Variants in CD46 observed in about 807,000 individuals in gnomAD.
CD46 encodes membrane cofactor protein.
Under a neutral mutation model 53.3 loss-of-function variants are expected in CD46, and 30 were observed. The observed-to-expected ratio is 0.56, with a 90% CI of 0.42 to 0.76. The LOEUF is 0.76. Among genes scored for constraint, CD46 ranks in the 30% least tolerant of loss-of-function variants. The pLI is 0.00. For missense variants in CD46, 409 were observed against 463.0 expected, an observed-to-expected ratio of 0.88 and a Z score of 1.07; for synonymous variants, 142 against 152.0, an observed-to-expected ratio of 0.93 and a Z score of 0.48.
At chr1:207,755,031 G>T (rs557599140) in intron 1 of CD46, among the ~76,000 whole-genome samples, 1 of 151,638 alleles carries the variant, frequency 6.6e-6, no homozygotes, top group East Asian at 1.9e-4. Context: ...TGAAGGGGGA[G>T]GATCACTGGA....
At chr1:207,778,729 A>T (rs988785290) in intron 8 of CD46, among the ~76,000 whole-genome samples, 1 of 152,186 alleles carries the variant, frequency 6.6e-6, no homozygotes, top group East Asian at 1.9e-4. Flanking sequence ...TGATGCCTCC[A>T]GCTTTGTTCT....
intron 8 of CD46, among the ~76,000 whole-genome samples, chr1:207,776,280 C>G (rs1369007366): frequency 6.6e-6 from 1 of 152,246 alleles, no homozygotes; most frequent in Non-Finnish European, 1.5e-5. Flanking sequence ...CAGTCTGTCA[C>G]GGCTTCCCTT....
At chr1:207,791,727 CTT>C (rs1659817813) in intron 12 of CD46, among the ~76,000 whole-genome samples, 1 of 152,194 alleles carries the variant, frequency 6.6e-6, no homozygotes, top group South Asian at 2.1e-4. Flanking sequence ...TCTTAGGACA[CTT>C]TTGAGACTAA....
chr1:207,762,501 G>C (rs1656329612), intron 5 of CD46: 1 of 152,186 alleles, frequency 6.6e-6, no homozygotes, highest in Admixed American at 6.5e-5. Context: ...TCAATAAAGT[G>C]TGTAAACCTG....
At chr1:207,784,773 C>T (rs976517535) in intron 9 of CD46, among the ~76,000 whole-genome samples, 3 of 152,152 alleles carry the variant, frequency 2.0e-5, no homozygotes, top group Non-Finnish European at 4.4e-5. Flanking sequence ...TTCTTCTTCA[C>T]ATGATGGCAG....
chr1:207,785,111 G>A lies in CD46; in HGVS notation c.1018+5G>A. 6.2e-7 allele frequency: 1 copy of A among 1,609,730 alleles called. No individual in the cohort carries two copies. The highest frequency in any genetic ancestry group is 8.5e-7 in the Non-Finnish European group (1 of 1,176,174). ...CTGTGATTGTTATTGCCATAGGTAA[G>A]TATCACAAATTTTGACACCACTTAA... On this transcript the variant is annotated splice_donor_5th_base_variant and intron_variant, in intron 10 of 12. Coordinates refer to ENST00000367042, the MANE Select transcript of CD46 (RefSeq NM_172351.3).
At chr1:207,767,908 T>C (rs928955172) in intron 7 of CD46, 85 bp downstream of exon 7, 1 of 1,110,544 alleles carries the variant, frequency 9.0e-7, no homozygotes, top group African/African-American at 1.5e-5. Context: ...TTTCTGGTGA[T>C]GTTCACTTAT....
At chr1:207,778,718 G>A (rs1471283859) in intron 8 of CD46, among the ~76,000 whole-genome samples, 2 of 152,148 alleles carry the variant, frequency 1.3e-5, no homozygotes, top group South Asian at 2.1e-4. Context: ...GTCAGGTAAT[G>A]TGATGCCTCC....
rs1372690493 is a variant in CD46 at position 207,793,642 on chromosome 1, C to A, written c.*165C>A. 1 of 1,421,880 alleles carries A rather than the reference C, an allele frequency of 7.0e-7. No individual in the cohort carries two copies. 88.1% of individuals were successfully genotyped at this position (1,421,880 alleles called of 1,614,324 possible). A position where few individuals can be genotyped will look rare whatever the true frequency, so the allele number is the denominator to read the frequency against. On this transcript the variant is annotated 3_prime_UTR_variant, in exon 13 of 13. Transcript: ENST00000367042. The stretch of plus-strand genomic sequence containing the variant: ...GTTCATCTTTTGACTCTATTAAAAT[C>A]TTCAATAGTTGTTATTCTGTAGTTT...
intron 5 of CD46, 113 bp from the exon 6 acceptor site, chr1:207,766,900 T>G (rs989481786): frequency 1.3e-6 from 1 of 782,090 alleles, no homozygotes; most frequent in Non-Finnish European, 2.1e-6. Flanking sequence ...AAAATGTTTT[T>G]AACATCTTGC....
At chr1:207,787,333 A>G (rs1025258003) in intron 11 of CD46, among the ~76,000 whole-genome samples, 2 of 152,108 alleles carry the variant, frequency 1.3e-5, no homozygotes, top group African/African-American at 4.8e-5. Flanking sequence ...CGGCCTCCCA[A>G]GGTGCTAGGA....
At chr1:207,764,607 A>C (rs939511330) in intron 5 of CD46, among the ~76,000 whole-genome samples, 1 of 152,254 alleles carries the variant, frequency 6.6e-6, no homozygotes, top group African/African-American at 2.4e-5. Context: ...ATTATTCAAC[A>C]GACAAACAAA....
chr1:207,771,101 C>T (rs995185461), intron 8 of CD46, among the ~76,000 whole-genome samples: 34 of 152,132 alleles, frequency 2.2e-4, no homozygotes, highest in Admixed American at 2.0e-3. Context: ...ATCTAACTGG[C>T]GTGAGTGGTA....
At position 207,794,179 on chromosome 1, in the gene CD46, G is replaced by A. The variant is rs1283918206; in HGVS notation, c.*702G>A. The stretch of plus-strand genomic sequence containing the variant: ...TAATAGGGTAAATTCTCTATTTTTT[G>A]TAATGTGTTCGGTGATTTCAGAAAG... On this transcript the variant is annotated 3_prime_UTR_variant, in exon 13 of 13. Transcript: ENST00000367042. 2 of 153,748 alleles carry A rather than the reference G, an allele frequency of 1.3e-5. No individual in the cohort carries two copies. Among genetic ancestry groups the A allele is most frequent in the Non-Finnish European group, 2.9e-5 (2 of 69,138 alleles). The allele number at this position is 153,748 out of a possible 1,614,324, so 9.5% of individuals were successfully genotyped here.
At chr1:207,783,941 T>C (rs1469716590) in intron 9 of CD46, among the ~76,000 whole-genome samples, 1 of 152,214 alleles carries the variant, frequency 6.6e-6, no homozygotes, top group Admixed American at 6.5e-5. Context: ...CTTTGACTTA[T>C]AGCAATTTAA....
At position 207,770,306 on chromosome 1, in the gene CD46, A is replaced by T; in HGVS notation, c.902-15A>T. On this transcript the variant is annotated splice_polypyrimidine_tract_variant and intron_variant, in intron 7 of 12. Transcript: ENST00000367042. ...AGGCCCTGGTGAATTTATAAAATCAAACTTATTTTTCTAGGTCCTAGGCCT... is the reference window on the plus strand; with the variant it reads ...AGGCCCTGGTGAATTTATAAAATCATACTTATTTTTCTAGGTCCTAGGCCT... 2.5e-6 allele frequency: 4 copies of T among 1,592,132 alleles called. No individual in the cohort carries two copies. The highest frequency in any genetic ancestry group is 3.4e-6 in the Non-Finnish European group (4 of 1,160,704).
At chr1:207,783,409 A>G (rs1309929979) in intron 9 of CD46, 79 bp downstream of exon 9, 4 of 828,720 alleles carry the variant, frequency 4.8e-6, no homozygotes, top group Non-Finnish European at 8.5e-6. Context: ...TGAGGTGCCC[A>G]AACATAGGAT....
chr1:207,775,778 T>C (rs925166796), intron 8 of CD46, among the ~76,000 whole-genome samples: 1 of 152,168 alleles, frequency 6.6e-6, no homozygotes, highest in Non-Finnish European at 1.5e-5. Context: ...GAGGTGTTTG[T>C]CGGCCGCTAC....
rs1050318438 is a variant in CD46, at chr1:207,772,050, G to A, written c.943+1688G>A. 6.9e-4 allele frequency among the ~76,000 whole-genome samples: 105 copies of A among 152,238 alleles called. 1 individual carries two copies. Among genetic ancestry groups the A allele is most frequent in the African/African-American group, 2.4e-3 (100 of 41,544 alleles). ...ATGAGCATGGAATGTTCTTCCATTT[G>A]TTTGTGTACTCTTTTATTTCGTTGA... On this transcript the variant is annotated intron_variant, in intron 8 of 12. Transcript: ENST00000367042.
Sources: gnomAD v4.1 joint callset for allele counts (sites outside exome capture counted in the v4.1 genomes callset) on GRCh38, gnomAD v4.1.1 for gene constraint, MANE v1.5 for transcripts, NCBI Gene and HGNC (gene_info 2026-07-23, HGNC 2026-07-21) for gene names.